Variants in TOPAZ1 observed in about 807,000 individuals in gnomAD.
The protein encoded by TOPAZ1 is protein TOPAZ1.
A neutral mutation model predicts 172.2 loss-of-function variants in TOPAZ1; 66 were observed. The ratio of observed to expected loss-of-function variants is 0.38; its 90% CI spans 0.31 to 0.47. The LOEUF (loss-of-function observed/expected upper bound fraction) is 0.47, where lower values mean the gene tolerates loss of function less well. Among genes scored for constraint, TOPAZ1 ranks in the 20% least tolerant of loss-of-function variants. The pLI, the probability that TOPAZ1 is intolerant of heterozygous loss-of-function variation, is 0.99. For synonymous variants in TOPAZ1, 681 were observed against 683.9 expected (o/e 1.00, Z 0.07); for missense variants, 1,822 against 1,972.4 (o/e 0.92, Z 1.44).
rs895114150 is a variant in TOPAZ1, at chr3:44,243,510, AGTT to A, written c.1007_1009del (p.Leu336del). ...GGGCGAAAACCCAGGAAAAGGATGA[AGTT>A]GTCTGAAAAAGCAGATGAAACAGTT... is the stretch of plus-strand genomic sequence containing the variant. On this transcript the variant is annotated inframe_deletion, in exon 2 of 20. Coordinates refer to ENST00000309765, the MANE Select transcript of TOPAZ1 (RefSeq NM_001145030.2). 2 of 1,551,588 alleles carry A rather than the reference AGTT, an allele frequency of 1.3e-6. No individual in the cohort carries two copies. Among genetic ancestry groups the A allele is most frequent in the African/African-American group, 2.7e-5 (2 of 73,046 alleles).
At chr3:44,248,563 A>G (rs1004677710) in intron 2 of TOPAZ1, among the ~76,000 whole-genome samples, 1 of 152,220 alleles carries the variant, frequency 6.6e-6, no homozygotes, top group Non-Finnish European at 1.5e-5. Flanking sequence ...TGAAGACCTG[A>G]TAACCAGAGA....
At chr3:44,313,811 A>G (rs1011629480) in intron 16 of TOPAZ1, among the ~76,000 whole-genome samples, 4 of 152,180 alleles carry the variant, frequency 2.6e-5, no homozygotes, top group African/African-American at 4.8e-5. Context: ...CAGGTTATGC[A>G]AACCCTAATC....
downstream of TOPAZ1, among the ~76,000 whole-genome samples, chr3:44,335,357 G>A (rs1272547363): frequency 1.3e-5 from 2 of 152,148 alleles, no homozygotes; most frequent in East Asian, 3.9e-4. Flanking sequence ...CAGGCACAGT[G>A]GCTCACACCT....
In TOPAZ1 at chr3:44,284,131, A is replaced by T. The variant is rs1438501699; in HGVS notation, c.3436+2100A>T. Among the ~76,000 whole-genome samples the T allele has an allele frequency of 7.2e-5, 11 of 152,224 alleles. No homozygotes were observed. The East Asian group carries it at 2.1e-3, about 29-fold the overall frequency. ...ATGTATGTGATAAAATATACATAAA[A>T]TTTACCATTTTAAACATTTTTAAGT... On this transcript the variant is annotated intron_variant, in intron 9 of 19. Coordinates refer to ENST00000309765, the MANE Select transcript of TOPAZ1 (RefSeq NM_001145030.2).
intron 2 of TOPAZ1, 94 bp from the exon 3 acceptor site, chr3:44,254,874 C>T (rs1486981464): frequency 2.3e-6 from 2 of 868,596 alleles, no homozygotes; most frequent in African/African-American, 1.7e-5. Context: ...TGATGTTCAC[C>T]AGCAGCTAAA....
chr3:44,298,249 A>C (rs1700221610), intron 12 of TOPAZ1, among the ~76,000 whole-genome samples: 1 of 152,224 alleles, frequency 6.6e-6, no homozygotes, highest in South Asian at 2.1e-4. Context: ...AGATTACTTA[A>C]GCCCAGGAGT....
At chr3:44,320,930 T>G (rs1700500375) in intron 16 of TOPAZ1, 97 bp from the exon 17 acceptor site, 4 of 806,124 alleles carry the variant, frequency 5.0e-6, no homozygotes, top group Non-Finnish European at 7.5e-6. Flanking sequence ...AAGTTTTGCC[T>G]GTTTCTTCAA....
intron 2 of TOPAZ1, among the ~76,000 whole-genome samples, chr3:44,245,623 G>A (rs764185518): frequency 5.2e-5 from 7 of 133,644 alleles, no homozygotes; most frequent in Non-Finnish European, 1.1e-4. Context: ...TGCAAGCTCT[G>A]CCTCCCAGGT....
rs754594571 is a variant in TOPAZ1 at position 44,267,045 on chromosome 3, A to G, written c.3069A>G (p.Ala1023=). ...TTATGGTCGGCGAATGTCAATTTGC[A>G]GTACCAGTCCCGAAACCTCTGTGTT... The part of the protein sequence containing the change: ...ADFMVGECQF[A]VPVPKPLCLL... The change falls in exon 6 of 20, where the codon GCA becomes GCG. Residue 1023 remains alanine (A), a synonymous_variant. Transcript: ENST00000309765. 6.5e-7 allele frequency: 1 copy of G among 1,549,352 alleles called. No homozygotes were observed. Among genetic ancestry groups the G allele is most frequent in the South Asian group, 1.2e-5 (1 of 83,332 alleles).
At chr3:44,292,187 TATG>T (rs1700145257) in intron 12 of TOPAZ1, among the ~76,000 whole-genome samples, 1 of 152,228 alleles carries the variant, frequency 6.6e-6, no homozygotes, top group South Asian at 2.1e-4. Flanking sequence ...TTCCAAGTTC[TATG>T]ATTTTTTAAT....
intron 4 of TOPAZ1, among the ~76,000 whole-genome samples, chr3:44,257,057 A>G (rs1699712308): frequency 6.6e-6 from 1 of 152,110 alleles, no homozygotes; most frequent in African/African-American, 2.4e-5. Flanking sequence ...TGCCGGGTGC[A>G]GTGACTCAGG....
intron 5 of TOPAZ1, 63 bp from the exon 6 acceptor site, chr3:44,266,934 A>G: frequency 8.1e-7 from 1 of 1,236,588 alleles, no homozygotes. Context: ...GATATCTGCA[A>G]AGCATTACTT....
intron 8 of TOPAZ1, among the ~76,000 whole-genome samples, chr3:44,275,382 T>C (rs543310348): frequency 2.6e-5 from 4 of 152,072 alleles, no homozygotes; most frequent in Middle Eastern, 6.3e-3. Flanking sequence ...AGCCTCTGTT[T>C]CTATCATTCT....
intron 8 of TOPAZ1, among the ~76,000 whole-genome samples, chr3:44,274,954 G>T (rs1255119972): frequency 6.6e-6 from 1 of 151,434 alleles, no homozygotes. Flanking sequence ...TATTTATGGG[G>T]TATATGTGAT....
At chr3:44,323,417 G>C (rs1242358566) in intron 18 of TOPAZ1, 122 bp downstream of exon 18, 1 of 572,880 alleles carries the variant, frequency 1.7e-6, no homozygotes, top group Non-Finnish European at 2.9e-6. Context: ...ATATTCAAAT[G>C]TAGTGGTCTC....
rs890122340 is a variant in TOPAZ1 at position 44,285,633 on chromosome 3, G to T, written c.3437-1756G>T. Among the ~76,000 whole-genome samples, 90 of 151,266 alleles carry T rather than the reference G, an allele frequency of 5.9e-4. 2 individuals are homozygous for T. The highest frequency in any genetic ancestry group is 2.0e-3 in the African/African-American group (83 of 41,338). On this transcript the variant is annotated intron_variant, in intron 9 of 19. Coordinates refer to ENST00000309765, the MANE Select transcript of TOPAZ1 (RefSeq NM_001145030.2). ...CGCCCAGGCTGGAGTGCAGTCGCACGATCTTGGCTCACTGCAACCTCCGCC... is the reference window on the plus strand; with the variant it reads ...CGCCCAGGCTGGAGTGCAGTCGCACTATCTTGGCTCACTGCAACCTCCGCC...
chr3:44,317,031 T>C (rs925858629), intron 16 of TOPAZ1, among the ~76,000 whole-genome samples: 2 of 152,238 alleles, frequency 1.3e-5, no homozygotes, highest in African/African-American at 4.8e-5. Context: ...TTCTAAATTA[T>C]TCTTTGCTAT....
In TOPAZ1 at chr3:44,300,124, A is replaced by ATAAG. The variant is rs1376433085; in HGVS notation, c.3798-3888_3798-3887insGTAA. Among the ~76,000 whole-genome samples the ATAAG allele has an allele frequency of 1.4e-3, 213 of 150,152 alleles. 1 individual carries two copies. The highest frequency in any genetic ancestry group is 5.2e-3 in the African/African-American group (209 of 40,342). The stretch of plus-strand genomic sequence containing the variant: ...TAATAATAATAAAATAAATAAATAA[A>ATAAG]TAAAAAATAAAAAAAAAGAAAATGA... On this transcript the variant is annotated intron_variant, in intron 12 of 19. Coordinates refer to ENST00000309765, the MANE Select transcript of TOPAZ1 (RefSeq NM_001145030.2).
In TOPAZ1 at chr3:44,243,162, A is replaced by G; in HGVS notation, c.656A>G (p.Glu219Gly). The G allele has an allele frequency of 6.5e-7, 1 of 1,549,844 alleles. No homozygotes were observed. ...TGTAATATCTTGTCACCTGAAGTAGAAAATAATTCCGTTTTAAAATTACGT... is the reference window on the plus strand; with the variant it reads ...TGTAATATCTTGTCACCTGAAGTAGGAAATAATTCCGTTTTAAAATTACGT... ...YSCNILSPEV[E>G]NNSVLKLRDC... Residue 219 changes from glutamate (E) to glycine (G), a missense_variant, in exon 2 of 20, where the codon GAA becomes GGA. Physicochemically the swap from Glu to Gly is moderately conservative, Grantham distance 98. Coordinates refer to ENST00000309765, the MANE Select transcript of TOPAZ1 (RefSeq NM_001145030.2).
Sources: gnomAD v4.1 joint callset for allele counts (sites outside exome capture counted in the v4.1 genomes callset) on GRCh38, gnomAD v4.1.1 for gene constraint, MANE v1.5 for transcripts, NCBI Gene and HGNC (gene_info 2026-07-23, HGNC 2026-07-21) for gene names.